Variants in CCNT2 observed in about 807,000 individuals in gnomAD.
CCNT2 encodes the protein cyclin-T2.
A neutral mutation model predicts 70.0 loss-of-function variants in CCNT2; 18 were observed. The observed-to-expected ratio is 0.26, with a 90% CI of 0.18 to 0.38. The LOEUF (loss-of-function observed/expected upper bound fraction) is 0.38, where lower values mean the gene tolerates loss of function less well. CCNT2 is among the 10% of genes least tolerant of loss of function. The probability of loss-of-function intolerance (pLI) is 1.00; values close to 1 mark genes in which losing one functional copy is unlikely to be tolerated. For missense variants in CCNT2, 734 were observed against 890.2 expected, an observed-to-expected ratio of 0.82 and a Z score of 2.23; for synonymous variants, 334 against 313.3, an observed-to-expected ratio of 1.07 and a Z score of -0.70.
intron 2 of CCNT2, among the ~76,000 whole-genome samples, chr2:134,935,337 C>G (rs1443448483): frequency 6.6e-6 from 1 of 152,206 alleles, no homozygotes; most frequent in Non-Finnish European, 1.5e-5. Context: ...AGGAAAACTT[C>G]TTAAAGTCAT....
intron 2 of CCNT2, among the ~76,000 whole-genome samples, chr2:134,929,597 G>T: frequency 7.9e-6 from 1 of 127,164 alleles, no homozygotes; most frequent in African/African-American, 3.0e-5. Flanking sequence ...GACAGAGCAA[G>T]ACCCTGTCTC....
rs111365708 is a variant in CCNT2, at chr2:134,928,731, GA to G, written c.241-8099del. Among the ~76,000 whole-genome samples the G allele has an allele frequency of 3.6e-3, 522 of 145,588 alleles. 4 individuals are homozygous for G. The highest frequency in any genetic ancestry group is 0.011 in the African/African-American group (438 of 39,948). Reference sequence around the variant, plus strand: ...TAAACTGAGGGTTCATTTAGAAGTTGAAAAAAAAAAATGGGAAAGATGTTTC... The same window carrying G: ...TAAACTGAGGGTTCATTTAGAAGTTGAAAAAAAAAATGGGAAAGATGTTTC... On this transcript the variant is annotated intron_variant, in intron 2 of 8. Coordinates refer to ENST00000264157, the MANE Select transcript of CCNT2 (RefSeq NM_058241.3).
chr2:134,946,247 G>A (rs1037172585), intron 6 of CCNT2, 101 bp downstream of exon 6: 6 of 1,404,570 alleles, frequency 4.3e-6, no homozygotes, highest in Non-Finnish European at 5.9e-6. Context: ...TGCGACAGGA[G>A]ACTGGACCAT....
chr2:134,942,696 T>A, intron 5 of CCNT2, 22 bp downstream of exon 5: 1 of 1,588,860 alleles, frequency 6.3e-7, no homozygotes, highest in Non-Finnish European at 8.6e-7. Context: ...TTGAAACTTT[T>A]AAGATAAGTA....
At chr2:134,919,161 G>A in intron 1 of CCNT2, 149 bp downstream of exon 1, 1 of 871,466 alleles carries the variant, frequency 1.1e-6, no homozygotes, top group Non-Finnish European at 1.7e-6. Flanking sequence ...TCGGGCAGTC[G>A]CGAGGGGTCA....
At position 134,953,566 on chromosome 2, in the gene CCNT2, T is replaced by C. The variant is rs1309634308; in HGVS notation, c.1111T>C (p.Ser371Pro). 3.7e-6 allele frequency: 6 copies of C among 1,614,066 alleles called. No individual in the cohort carries two copies. Among genetic ancestry groups the C allele is most frequent in the Non-Finnish European group, 4.2e-6 (5 of 1,179,954 alleles). Residue 371 changes from serine to proline, a missense_variant, in exon 9 of 9, where the codon TCT becomes CCT. By Grantham distance (74) the Ser-to-Pro change is moderately conservative. Coordinates refer to ENST00000264157, the MANE Select transcript of CCNT2 (RefSeq NM_058241.3). ...EQLYSQKQET[S>P]LSGSQYNINF... ...GCTATATTCACAGAAACAGGAGACA[T>C]CTTTGTCTGGTAGCCAGTACAACAT...
Position 134,953,984 on chromosome 2 carries a change from C to T in CCNT2, c.1529C>T (p.Pro510Leu). The change falls in exon 9 of 9, where the codon CCA becomes CTA. Residue 510 changes from proline to leucine, a missense_variant. By Grantham distance (98) the Pro-to-Leu change is moderately conservative. Around this residue, in one of 3 missense-constraint regions of CCNT2, gnomAD observed 532 missense variants for 556.9 expected, o/e 0.96. Transcript: ENST00000264157. Reference sequence around the variant, plus strand: ...AGTGGGTCACTGAAATTACGGATTCCAATACCACCCACTGATAAAAGCGCC... The same window carrying T: ...AGTGGGTCACTGAAATTACGGATTCTAATACCACCCACTGATAAAAGCGCC... ...EKSGSLKLRI[P>L]IPPTDKSASK... 6.2e-7 allele frequency: 1 copy of T among 1,613,940 alleles called. No individual in the cohort carries two copies. The highest frequency in any genetic ancestry group is 1.1e-5 in the South Asian group (1 of 91,050).
intron 2 of CCNT2, among the ~76,000 whole-genome samples, chr2:134,923,480 C>T (rs536030577): frequency 1.3e-5 from 2 of 152,262 alleles, no homozygotes; most frequent in South Asian, 4.1e-4. Flanking sequence ...CAACAATAAT[C>T]TTATGCCCAA....
chr2:134,927,808 A>G (rs1018312945), intron 2 of CCNT2, among the ~76,000 whole-genome samples: 2 of 152,216 alleles, frequency 1.3e-5, no homozygotes, highest in African/African-American at 4.8e-5. Context: ...AGGGGAAATG[A>G]TGGAATCTCC....
chr2:134,945,723 CTT>C (rs1681909191), intron 5 of CCNT2: 5 of 1,282,548 alleles, frequency 3.9e-6, no homozygotes, highest in Non-Finnish European at 5.0e-6. Context: ...GCAGGCAACT[CTT>C]TGTATTTTGT....
In CCNT2 at chr2:134,918,853, T is replaced by A; in HGVS notation, c.-2T>A. On this transcript the variant is annotated 5_prime_UTR_variant, in exon 1 of 9. Transcript: ENST00000264157. ...GAAGGAGCGGGCGGAGGAGGAAGTGTCATGGCGTCGGGCCGTGGAGCTTCT... is the reference window on the plus strand; with the variant it reads ...GAAGGAGCGGGCGGAGGAGGAAGTGACATGGCGTCGGGCCGTGGAGCTTCT... 1.9e-6 allele frequency: 3 copies of A among 1,611,806 alleles called. No homozygotes were observed. The highest frequency in any genetic ancestry group is 2.5e-6 in the Non-Finnish European group (3 of 1,178,752).
At position 134,954,631 on chromosome 2, in the gene CCNT2, C is replaced by CA; in HGVS notation, c.2178dup (p.Gly727ArgfsTer31). 1 of 1,600,468 alleles carries CA rather than the reference C, an allele frequency of 6.2e-7. No homozygotes were observed. Among genetic ancestry groups the CA allele is most frequent in the Non-Finnish European group, 8.6e-7 (1 of 1,168,732 alleles). ...CATGCTGGACTCACTGTTAAGTGCC[C>CA]AAGGAATGAACATGTAATAATTTGT... is the stretch of plus-strand genomic sequence containing the variant. On this transcript the variant is annotated frameshift_variant, in exon 9 of 9. Transcript: ENST00000264157. LOFTEE classifies it high-confidence loss of function.
rs1681977428 is a variant in CCNT2, at chr2:134,946,528, T to C, written c.539+382T>C. 4 of 449,646 alleles carry C rather than the reference T, an allele frequency of 8.9e-6. No individual in the cohort carries two copies. The South Asian group carries it at 3.8e-4, about 43-fold the overall frequency. The allele number at this position is 449,646 out of a possible 1,614,324, so 27.9% of individuals were successfully genotyped here. On this transcript the variant is annotated intron_variant, in intron 6 of 8. Coordinates refer to ENST00000264157, the MANE Select transcript of CCNT2 (RefSeq NM_058241.3). Reference sequence around the variant, plus strand: ...AAATGACAATTTTTAAAATTTCACGTTGATCCAGTCTTAACTTTAAAATAC... The same window carrying C: ...AAATGACAATTTTTAAAATTTCACGCTGATCCAGTCTTAACTTTAAAATAC...
At chr2:134,931,546 T>G (rs1680772414) in intron 2 of CCNT2, among the ~76,000 whole-genome samples, 1 of 152,118 alleles carries the variant, frequency 6.6e-6, no homozygotes. Context: ...TCTTAGTCCC[T>G]TGTATTTCCA....
chr2:134,955,731 AT>A lies in CCNT2; in HGVS notation c.*1086del. The A allele has an allele frequency of 1.3e-5, 2 of 152,746 alleles. No individual in the cohort carries two copies. Among genetic ancestry groups the A allele is most frequent in the Admixed American group, 1.3e-4 (2 of 15,304 alleles). The allele number at this position is 152,746 out of a possible 1,614,324, so 9.5% of individuals were successfully genotyped here. On this transcript the variant is annotated 3_prime_UTR_variant, in exon 9 of 9. Transcript: ENST00000264157. ...GAAGCGTGTTTGTGTGTGATGCCAT[AT>A]TTCTTTTTCAGGTAAATGTAGTCTT...
intron 2 of CCNT2, among the ~76,000 whole-genome samples, chr2:134,923,566 T>C (rs1288701949): frequency 6.6e-6 from 1 of 152,256 alleles, no homozygotes; most frequent in African/African-American, 2.4e-5. Flanking sequence ...TTTGTGTATC[T>C]GTGCTCTTCA....
Position 134,919,909 on chromosome 2 carries a change from GT to G in CCNT2, c.240+23del. 6.4e-7 allele frequency: 1 copy of G among 1,563,490 alleles called. No homozygotes were observed. Among genetic ancestry groups the G allele is most frequent in the South Asian group, 1.1e-5 (1 of 87,782 alleles). On this transcript the variant is annotated intron_variant, in intron 2 of 8. Transcript: ENST00000264157. ...ACAAAAATGTAAGTACTAGTTGTCT[GT>G]TTTTACTGTCCGCAAATTTGAGGGT...
At chr2:134,932,839 C>G (rs1402523791) in intron 2 of CCNT2, among the ~76,000 whole-genome samples, 3 of 152,236 alleles carry the variant, frequency 2.0e-5, no homozygotes, top group Non-Finnish European at 4.4e-5. Flanking sequence ...CCTCTACTTT[C>G]CTTTTCTTAT....
rs562721787 is a variant in CCNT2, at chr2:134,957,494, A to G, written c.*2846A>G. On this transcript the variant is annotated 3_prime_UTR_variant, in exon 9 of 9. Transcript: ENST00000264157. ...GAAGCACATTGCAAAGAAAGGCTTT[A>G]TTTCTACCTCTTCCATTCAGTTTTC... 6.6e-6 allele frequency: 1 copy of G among 152,276 alleles called. No individual in the cohort carries two copies. The highest frequency in any genetic ancestry group is 1.5e-5 in the Non-Finnish European group (1 of 67,998). The allele number at this position is 152,276 out of a possible 1,614,324, so 9.4% of individuals were successfully genotyped here. A position where few individuals can be genotyped will look rare whatever the true frequency, so the allele number is the denominator to read the frequency against.
Sources: gnomAD v4.1 joint callset for allele counts (sites outside exome capture counted in the v4.1 genomes callset) on GRCh38, gnomAD v4.1.1 for gene constraint, gnomAD v4.1.1 regional missense constraint, MANE v1.5 for transcripts, NCBI Gene and HGNC (gene_info 2026-07-23, HGNC 2026-07-21) for gene names.